AGPAT3: variants seen among roughly 807,000 people sequenced by gnomAD.
AGPAT3 encodes the protein 1-acylglycerol-3-phosphate O-acyltransferase 3, also known as 1-acyl-sn-glycerol-3-phosphate acyltransferase gamma.
In AGPAT3, 5 loss-of-function variants were observed where a neutral mutation model predicts 47.3. The observed-to-expected ratio is 0.11, with a 90% confidence interval of 0.06 to 0.22. The LOEUF (loss-of-function observed/expected upper bound fraction) is 0.22. Ranked by LOEUF, AGPAT3 falls within the 10% of genes least tolerant of loss-of-function variation. The pLI is 1.00. For missense variants in AGPAT3, 315 were observed against 493.0 expected, an observed-to-expected ratio of 0.64 and a Z score of 3.42; for synonymous variants, 212 against 208.3, an observed-to-expected ratio of 1.02 and a Z score of -0.15.
chr21:43,978,560 C>T (rs573610164), intron 8 of AGPAT3, among the ~76,000 whole-genome samples: 1 of 152,362 alleles, frequency 6.6e-6, no homozygotes, highest in South Asian at 2.1e-4. Flanking sequence ...CTTCTGGCCT[C>T]GGCCTCCCAA....
At chr21:43,892,371 G>T (rs536730613) in intron 1 of AGPAT3, among the ~76,000 whole-genome samples, 1 of 152,156 alleles carries the variant, frequency 6.6e-6, no homozygotes, top group African/African-American at 2.4e-5. Context: ...TGGATGTCGT[G>T]TTACCAGGTA....
At position 43,896,943 on chromosome 21, in the gene AGPAT3, G is replaced by GTT. The variant is rs61657564; in HGVS notation, c.-111-6990_-111-6989dup. 3.8e-4 allele frequency among the ~76,000 whole-genome samples: 16 copies of GTT among 42,342 alleles called. 1 individual carries two copies. The highest frequency in any genetic ancestry group is 5.4e-4 in the African/African-American group (5 of 9,224). 27.8% of individuals were successfully genotyped at this position (42,342 alleles called of 152,430 possible). A position where few individuals can be genotyped will look rare whatever the true frequency, so the allele number is the denominator to read the frequency against. The stretch of plus-strand genomic sequence containing the variant: ...TTTTTAAATTGAAGTTTGACAGTCC[G>GTT]TTTTTTTTTTTTTTTTTTTTTTTTT... On this transcript the variant is annotated intron_variant, in intron 1 of 9. Coordinates refer to ENST00000291572, the MANE Select transcript of AGPAT3 (RefSeq NM_020132.5).
chr21:43,911,421 A>T (rs1404705200), intron 2 of AGPAT3, among the ~76,000 whole-genome samples: 2 of 152,270 alleles, frequency 1.3e-5, no homozygotes, highest in Non-Finnish European at 2.9e-5. Flanking sequence ...GGGCAGGGTC[A>T]GAAGCAGCCT....
rs2089389466 is a variant in AGPAT3 at position 43,971,437 on chromosome 21, G to A, written c.714G>A (p.Pro238=). Reference sequence around the variant, plus strand: ...TGAACTTCAGAGGAAACAAGAACCCGTCCCTGCTGGGGATCCTCTACGGGA... The same window carrying A: ...TGAACTTCAGAGGAAACAAGAACCCATCCCTGCTGGGGATCCTCTACGGGA... ...VTLNFRGNKN[P]SLLGILYGKK... is the part of the protein sequence containing the mutation. The change falls in exon 7 of 10, where the codon CCG becomes CCA. Residue 238 remains proline (P), a synonymous_variant. Transcript: ENST00000291572. 3.1e-6 allele frequency: 5 copies of A among 1,614,228 alleles called. No homozygotes were observed. Among genetic ancestry groups the A allele is most frequent in the East Asian group, 2.2e-5 (1 of 44,886 alleles).
intron 1 of AGPAT3, among the ~76,000 whole-genome samples, chr21:43,874,086 C>T (rs186394565): frequency 3.9e-4 from 60 of 152,272 alleles, no homozygotes; most frequent in African/African-American, 1.4e-3. Flanking sequence ...CGCAGGCTGG[C>T]GTGATCTCGG....
chr21:43,883,409 C>T (rs1259574558), intron 1 of AGPAT3, among the ~76,000 whole-genome samples: 1 of 152,210 alleles, frequency 6.6e-6, no homozygotes, highest in Non-Finnish European at 1.5e-5. Context: ...AAGTAGGAGC[C>T]CCTTGCATAA....
Position 43,981,084 on chromosome 21 carries a change from C to T in AGPAT3, c.939C>T (p.Ser313=). 1.2e-6 allele frequency: 2 copies of T among 1,614,218 alleles called. No homozygotes were observed. The highest frequency in any genetic ancestry group is 1.7e-6 in the Non-Finnish European group (2 of 1,180,036). The part of the protein sequence containing the change: ...RRPWTLLNFL[S]WATILLSPLF... Reference sequence around the variant, plus strand: ...CGTGGACCCTCCTGAACTTCCTGTCCTGGGCCACCATTCTCCTGTCTCCCC... The same window carrying T: ...CGTGGACCCTCCTGAACTTCCTGTCTTGGGCCACCATTCTCCTGTCTCCCC... The change falls in exon 9 of 10, where the codon TCC becomes TCT. Residue 313 remains serine, a synonymous_variant. Coordinates refer to ENST00000291572, the MANE Select transcript of AGPAT3 (RefSeq NM_020132.5). This position sits in a 1 kb window ranked among gnomAD's most constrained non-coding sequence, Gnocchi z 5.3.
chr21:43,870,780 G>C (rs1188654704), intron 1 of AGPAT3, among the ~76,000 whole-genome samples: 1 of 152,092 alleles, frequency 6.6e-6, no homozygotes, highest in Non-Finnish European at 1.5e-5. Flanking sequence ...GTTTCTTTTT[G>C]GTGAACAAAG....
rs1002386830 is a variant in AGPAT3 at position 43,927,264 on chromosome 21, T to A, written c.-49+23245T>A. 2.8e-4 allele frequency among the ~76,000 whole-genome samples: 43 copies of A among 152,346 alleles called. No individual in the cohort carries two copies. In the East Asian group the frequency reaches 8.3e-3, roughly 29 times the overall value. On this transcript the variant is annotated intron_variant, in intron 2 of 9. Coordinates refer to ENST00000291572, the MANE Select transcript of AGPAT3 (RefSeq NM_020132.5). ...AATTTACAAAATCTTGTATTTTTAA[T>A]TTTTGTGGGTACATAGTAGGTATAT...
chr21:43,940,153 G>A lies in AGPAT3; in HGVS notation c.-48-19481G>A, dbSNP rs934355917. 1.6e-4 allele frequency among the ~76,000 whole-genome samples: 25 copies of A among 152,320 alleles called. No individual in the cohort carries two copies. In the Middle Eastern group the frequency reaches 0.01, roughly 62 times the overall value. On this transcript the variant is annotated intron_variant, in intron 2 of 9. Coordinates refer to ENST00000291572, the MANE Select transcript of AGPAT3 (RefSeq NM_020132.5). ...GCTCAGGCCAGGTCCTAATCCCTCCGCTTGAGCTCGGCTCCTCACCCTTTG... is the reference window on the plus strand; with the variant it reads ...GCTCAGGCCAGGTCCTAATCCCTCCACTTGAGCTCGGCTCCTCACCCTTTG...
chr21:43,895,595 A>T (rs879834052), intron 1 of AGPAT3, among the ~76,000 whole-genome samples: 108 of 146,568 alleles, frequency 7.4e-4, no homozygotes, highest in Non-Finnish European at 1.2e-3. Flanking sequence ...TCACTTTTTA[A>T]AAAAAAATTT....
At chr21:43,912,916 C>T (rs1341192067) in intron 2 of AGPAT3, among the ~76,000 whole-genome samples, 1 of 152,204 alleles carries the variant, frequency 6.6e-6, no homozygotes, top group South Asian at 2.1e-4. Context: ...GGTGTTTGCC[C>T]AGCGAGTGAA....
chr21:43,901,056 C>A (rs564248161), intron 1 of AGPAT3, among the ~76,000 whole-genome samples: 1 of 152,164 alleles, frequency 6.6e-6, no homozygotes, highest in East Asian at 1.9e-4. Context: ...AATTCCAGCC[C>A]TTTGGGAGGC....
intron 2 of AGPAT3, chr21:43,950,559 C>T (rs2088142099): frequency 6.6e-6 from 1 of 152,240 alleles, no homozygotes; most frequent in South Asian, 2.1e-4. Flanking sequence ...GTAACTGTGA[C>T]GCCGCCCTCT....
rs888099830 is a variant in AGPAT3 at position 43,922,425 on chromosome 21, C to T, written c.-49+18406C>T. Among the ~76,000 whole-genome samples the T allele has an allele frequency of 2.0e-5, 3 of 152,076 alleles. No homozygotes were observed. Among genetic ancestry groups the T allele is most frequent in the African/African-American group, 7.2e-5 (3 of 41,396 alleles). ...CTCGAAGGAGGCTGCTGGCTTGTGA[C>T]CCTCCTTAACCCCACCCTCAAGGCA... On this transcript the variant is annotated intron_variant, in intron 2 of 9. Transcript: ENST00000291572. This position sits in a 1 kb window ranked among gnomAD's most constrained non-coding sequence, Gnocchi z 4.9.
At chr21:43,963,431 C>T (rs769919729) in intron 3 of AGPAT3, among the ~76,000 whole-genome samples, 4 of 152,154 alleles carry the variant, frequency 2.6e-5, no homozygotes, top group Non-Finnish European at 5.9e-5. Context: ...AAGGAGGAGC[C>T]GGGCGCGGTG....
At chr21:43,876,199 T>C (rs1388543758) in intron 1 of AGPAT3, among the ~76,000 whole-genome samples, 3 of 152,218 alleles carry the variant, frequency 2.0e-5, no homozygotes, top group Non-Finnish European at 2.9e-5. Context: ...CTTACACTTA[T>C]TTTTATTTTC....
At chr21:43,944,666 C>T (rs562340547) in intron 2 of AGPAT3, among the ~76,000 whole-genome samples, 11 of 152,340 alleles carry the variant, frequency 7.2e-5, no homozygotes, top group East Asian at 1.9e-4. Context: ...CGGCTGTGCT[C>T]GGCCTCTGTG....
chr21:43,908,775 G>A lies in AGPAT3; in HGVS notation c.-49+4756G>A, dbSNP rs977736154. On this transcript the variant is annotated intron_variant, in intron 2 of 9. Transcript: ENST00000291572. The surrounding 1 kb of genome is among the most constrained non-coding windows in gnomAD (Gnocchi z 4.9). ...AAGCCCGTGCTGCGTCAGCGTGGTG[G>A]CCTGCCAGCTCCAGGCTGCAAAAGT... 3.3e-5 allele frequency among the ~76,000 whole-genome samples: 5 copies of A among 152,244 alleles called. No individual in the cohort carries two copies. Among genetic ancestry groups the A allele is most frequent in the African/African-American group, 7.2e-5 (3 of 41,470 alleles).
Sources: allele counts gnomAD v4.1 joint callset (sites outside exome capture counted in the v4.1 genomes callset), GRCh38; gene constraint gnomAD v4.1.1; non-coding constraint Gnocchi (gnomAD v3.1); transcripts MANE v1.5; gene names NCBI Gene and HGNC (gene_info 2026-07-23, HGNC 2026-07-21).